KDM6A: variants seen among roughly 807,000 people sequenced by gnomAD.
The protein encoded by KDM6A is lysine demethylase 6A.
KDM6A carries 11 observed loss-of-function variants against 117.6 expected under a neutral mutation model. The ratio of observed to expected loss-of-function variants is 0.09; its 90% CI spans 0.06 to 0.15. The LOEUF (loss-of-function observed/expected upper bound fraction) is 0.15, where lower values mean the gene tolerates loss of function less well. Ranked by LOEUF, KDM6A falls within the 10% of genes least tolerant of loss-of-function variation. The pLI is 1.00. For missense variants in KDM6A, 799 were observed against 1,077.3 expected (o/e 0.74, Z 3.62); for synonymous variants, 384 against 396.1 (o/e 0.97, Z 0.36).
At chrX:45,089,440 T>C (rs991783016) in intron 25 of KDM6A, among the ~76,000 whole-genome samples, 4 of 108,339 alleles carry the variant, frequency 3.7e-5, no homozygotes, top group Non-Finnish European at 7.6e-5. Flanking sequence ...GCAGGAGAAT[T>C]GCTTGAGCCC....
At chrX:45,042,080 T>C (rs2043260623) in intron 8 of KDM6A, among the ~76,000 whole-genome samples, 1 of 108,013 alleles carries the variant, frequency 9.3e-6, no homozygotes, top group African/African-American at 3.4e-5. Flanking sequence ...CAAAACCCCC[T>C]CTCCACCAAA....
chrX:44,899,004 GGTGTGTGT>G (rs745714866), intron 2 of KDM6A, among the ~76,000 whole-genome samples: 184 of 79,647 alleles, frequency 2.3e-3, no homozygotes, highest in African/African-American at 0.011. Flanking sequence ...GGAGAGGGAG[GGTGTGTGT>G]GTGTGTGTGT....
At chrX:45,108,440 A>T (rs2046613358) in intron 28 of KDM6A, among the ~76,000 whole-genome samples, 1 of 111,751 alleles carries the variant, frequency 8.9e-6, no homozygotes, top group Admixed American at 9.5e-5. Flanking sequence ...ACTAAGGGTA[A>T]GTAAGATATG....
intron 19 of KDM6A, among the ~76,000 whole-genome samples, chrX:45,077,658 A>G (rs2045192776): frequency 1.8e-5 from 2 of 110,898 alleles, no homozygotes; most frequent in South Asian, 7.5e-4. Context: ...GTGAGCTCTG[A>G]GGAGAAAAAA....
At chrX:44,994,871 G>GT (rs2040791743) in intron 4 of KDM6A, among the ~76,000 whole-genome samples, 1 of 111,560 alleles carries the variant, frequency 9.0e-6, no homozygotes, top group Admixed American at 9.6e-5. Flanking sequence ...AGGAAAAATG[G>GT]TTATGACAGG....
chrX:44,972,734 T>C (rs1414953891), intron 3 of KDM6A, among the ~76,000 whole-genome samples: 1 of 111,086 alleles, frequency 9.0e-6, no homozygotes, highest in Non-Finnish European at 1.9e-5. Context: ...GAGTGGGTTA[T>C]TCAGAAGTAA....
intron 2 of KDM6A, among the ~76,000 whole-genome samples, chrX:44,919,998 A>C (rs769391496): frequency 2.7e-5 from 3 of 112,270 alleles, no homozygotes; most frequent in Non-Finnish European, 5.6e-5. Context: ...GGGATTTCCA[A>C]AATACTATTG....
chrX:44,903,643 G>C (rs1363646950), intron 2 of KDM6A, among the ~76,000 whole-genome samples: 1 of 110,373 alleles, frequency 9.1e-6, no homozygotes, highest in Non-Finnish European at 1.9e-5. Context: ...TTCTGTTACT[G>C]GACTAGATAA....
chrX:45,004,475 T>G, intron 4 of KDM6A, among the ~76,000 whole-genome samples: 1 of 111,638 alleles, frequency 9.0e-6, no homozygotes, highest in South Asian at 3.8e-4. Flanking sequence ...TTTTGTAACT[T>G]TTTTGAAATG....
rs779047320 is a variant in KDM6A, at chrX:45,112,654, G to T, written c.*1243G>T. 4.0e-5 allele frequency: 5 copies of T among 125,646 alleles called. No individual in the cohort carries two copies. The highest frequency in any genetic ancestry group is 8.2e-5 in the Non-Finnish European group (5 of 60,992). 10.4% of individuals were successfully genotyped at this position (125,646 alleles called of 1,213,427 possible). A position where few individuals can be genotyped will look rare whatever the true frequency, so the allele number is the denominator to read the frequency against. ...GTGATTGAACTTAAGATTTTAAAGG[G>T]ACTGTTATATGGGCTTGACAAATCC... On this transcript the variant is annotated 3_prime_UTR_variant, in exon 30 of 30. Coordinates refer to ENST00000611820, the MANE Select transcript of KDM6A (RefSeq NM_001291415.2).
intron 7 of KDM6A, among the ~76,000 whole-genome samples, chrX:45,036,668 A>C (rs2042825472): frequency 8.9e-6 from 1 of 112,493 alleles, no homozygotes; most frequent in African/African-American, 3.2e-5. Flanking sequence ...GAATATATAG[A>C]TGCTTAAAAT....
rs530500645 is a variant in KDM6A, at chrX:44,957,826, A to G, written c.226-3458A>G. On this transcript the variant is annotated intron_variant, in intron 2 of 29. Transcript: ENST00000611820. Reference sequence around the variant, plus strand: ...AAACATAAGAAATTTTGCTTTCCTAATATTTAGTATACGGATTGAATATTA... The same window carrying G: ...AAACATAAGAAATTTTGCTTTCCTAGTATTTAGTATACGGATTGAATATTA... Among the ~76,000 whole-genome samples, 65 of 112,071 alleles carry G rather than the reference A, an allele frequency of 5.8e-4. No homozygotes were observed. In the South Asian group the frequency reaches 7.8e-3, roughly 13 times the overall value.
chrX:44,873,546 G>T lies in KDM6A; in HGVS notation c.-6G>T, dbSNP rs1387041621. The T allele has an allele frequency of 3.3e-6, 4 of 1,208,651 alleles. No homozygotes were observed. The highest frequency in any genetic ancestry group is 4.5e-6 in the Non-Finnish European group (4 of 894,674). ...GGCGTTGGAGTTGTGAATTCGCTGC[G>T]TTTCCATGAAATCCTGCGGAGTGTC... On this transcript the variant is annotated 5_prime_UTR_variant, in exon 1 of 30. Transcript: ENST00000611820.
intron 2 of KDM6A, among the ~76,000 whole-genome samples, chrX:44,951,420 T>G (rs372037598): frequency 8.9e-6 from 1 of 111,891 alleles, no homozygotes; most frequent in East Asian, 2.8e-4. Context: ...TTTATACATA[T>G]ACATATGTAT....
At chrX:44,893,001 T>TAAAAAAA in intron 2 of KDM6A, among the ~76,000 whole-genome samples, 1 of 50,243 alleles carries the variant, frequency 2.0e-5, no homozygotes, top group Non-Finnish European at 3.5e-5. Context: ...AGACTCCATC[T>TAAAAAAA]AAAAAAAAAA....
chrX:44,886,301 G>A (rs1435826763), intron 2 of KDM6A, among the ~76,000 whole-genome samples: 3 of 110,390 alleles, frequency 2.7e-5, no homozygotes, highest in African/African-American at 9.9e-5. Flanking sequence ...GCCCGCCTTG[G>A]CCCCCCAAAG....
At chrX:44,877,761 A>AT (rs957459583) in intron 2 of KDM6A, among the ~76,000 whole-genome samples, 4 of 110,675 alleles carry the variant, frequency 3.6e-5, no homozygotes, top group African/African-American at 1.3e-4. Flanking sequence ...CTTATTGGAA[A>AT]TTTTTTTGGT....
chrX:45,020,542 T>C, intron 5 of KDM6A, 68 bp from the exon 6 acceptor site: 2 of 1,063,493 alleles, frequency 1.9e-6, no homozygotes, highest in Admixed American at 2.2e-5. Flanking sequence ...GAAGTTTCAA[T>C]GTACTACCAA....
intron 6 of KDM6A, among the ~76,000 whole-genome samples, chrX:45,027,857 G>A (rs1569524111): frequency 9.2e-6 from 1 of 108,566 alleles, no homozygotes; most frequent in African/African-American, 3.4e-5. Flanking sequence ...GCAATGGCGC[G>A]ATCTCGGCTC....
Sources: gnomAD v4.1 joint callset for allele counts (sites outside exome capture counted in the v4.1 genomes callset) on GRCh38, gnomAD v4.1.1 for gene constraint, MANE v1.5 for transcripts, NCBI Gene and HGNC (gene_info 2026-07-23, HGNC 2026-07-21) for gene names.